NFAM1: variants seen among roughly 807,000 people sequenced by gnomAD.
NFAM1 encodes the protein NFAT activating protein with ITAM motif 1.
A neutral mutation model predicts 29.0 loss-of-function variants in NFAM1; 17 were observed. The observed-to-expected ratio is 0.59, with a 90% CI of 0.40 to 0.88. NFAM1 has a LOEUF of 0.88. Among genes scored for constraint, NFAM1 ranks in the 40% least tolerant of loss-of-function variants. The pLI is 0.00. For synonymous variants in NFAM1, 175 were observed against 147.2 expected, an observed-to-expected ratio of 1.19 and a Z score of -1.36; for missense variants, 324 against 344.6, an observed-to-expected ratio of 0.94 and a Z score of 0.47.
intron 2 of NFAM1, 107 bp downstream of exon 2, chr22:42,411,300 T>G: frequency 3.5e-6 from 3 of 854,148 alleles, no homozygotes; most frequent in South Asian, 1.7e-5. Context: ...CTGGGATGTG[T>G]GAGCCACTGC....
intron 1 of NFAM1, 56 bp from the exon 2 acceptor site, chr22:42,411,792 A>C: frequency 7.9e-7 from 1 of 1,268,868 alleles, no homozygotes; most frequent in African/African-American, 1.5e-5. Flanking sequence ...CCTCAGTCCC[A>C]CCCACTTGCC....
At chr22:42,431,945 G>A (rs1373592699) in intron 1 of NFAM1, among the ~76,000 whole-genome samples, 1 of 151,866 alleles carries the variant, frequency 6.6e-6, no homozygotes, top group Non-Finnish European at 1.5e-5. Flanking sequence ...CAGCCACACA[G>A]CGCCCACCCT....
intron 1 of NFAM1, among the ~76,000 whole-genome samples, chr22:42,420,007 T>G (rs1199480726): frequency 1.2e-4 from 17 of 136,064 alleles, no homozygotes; most frequent in South Asian, 2.5e-4. Flanking sequence ...TTTTTTTTTT[T>G]TTTTTTTTTT....
At chr22:42,385,668 T>C (rs1416502036) in intron 5 of NFAM1, among the ~76,000 whole-genome samples, 2 of 146,312 alleles carry the variant, frequency 1.4e-5, no homozygotes. Context: ...TGTGTGTCCA[T>C]GGGGTCAGCG....
At position 42,397,846 on chromosome 22, in the gene NFAM1, C is replaced by A; in HGVS notation, c.663+12G>T. The A allele has an allele frequency of 6.4e-7, 1 of 1,570,486 alleles. No homozygotes were observed. The highest frequency in any genetic ancestry group is 8.8e-7 in the Non-Finnish European group (1 of 1,140,490). On this transcript the variant is annotated intron_variant, in intron 4 of 5. Coordinates refer to ENST00000329021, the MANE Select transcript of NFAM1 (RefSeq NM_145912.8). ...GAAAGAGGTGGAGGGAGCCGGGGGC[C>A]CCGGGACTCACTGTGTAGACAGATT...
intron 3 of NFAM1, among the ~76,000 whole-genome samples, chr22:42,408,805 C>G (rs968402209): frequency 5.9e-5 from 9 of 152,312 alleles, no homozygotes; most frequent in African/African-American, 2.2e-4. Flanking sequence ...GAGCAGGAGC[C>G]GTCCAGGTGA....
intron 3 of NFAM1, among the ~76,000 whole-genome samples, chr22:42,408,833 C>T (rs1929983616): frequency 6.6e-6 from 1 of 152,332 alleles, no homozygotes; most frequent in South Asian, 2.1e-4. Flanking sequence ...GACCAAGCCA[C>T]CCCATCCTGC....
At chr22:42,416,709 T>A (rs1447764757) in intron 1 of NFAM1, among the ~76,000 whole-genome samples, 1 of 152,198 alleles carries the variant, frequency 6.6e-6, no homozygotes, top group East Asian at 1.9e-4. Flanking sequence ...GGACCCTGGC[T>A]GAACTTGAGC....
intron 3 of NFAM1, among the ~76,000 whole-genome samples, chr22:42,408,326 C>G (rs1929968355): frequency 6.6e-6 from 1 of 152,162 alleles, no homozygotes; most frequent in South Asian, 2.1e-4. Flanking sequence ...GAGCTCTTCT[C>G]TGGGTGTGGG....
Position 42,397,953 on chromosome 22 carries a change from G to T in NFAM1, c.568C>A (p.Arg190=). The change falls in exon 4 of 6, where the codon CGG becomes AGG. Residue 190 remains arginine, a synonymous_variant. Transcript: ENST00000329021. ...GTALLLWNKK[R]MRGPGKDPTR... ...GGGTCCTTCCCTGGACCCCGCATCC[G>T]CTTCTGTAGGGAGAAAGGAGTCAGG... is the stretch of plus-strand genomic sequence containing the variant. The T allele has an allele frequency of 6.3e-7, 1 of 1,579,854 alleles. No individual in the cohort carries two copies.
At chr22:42,405,744 A>G (rs576826241) in intron 3 of NFAM1, among the ~76,000 whole-genome samples, 146 of 152,268 alleles carry the variant, frequency 9.6e-4, no homozygotes, top group African/African-American at 3.3e-3. Context: ...CGGAGCACAG[A>G]GCCCTCCTGG....
intron 3 of NFAM1, among the ~76,000 whole-genome samples, chr22:42,408,544 C>T (rs959667304): frequency 1.3e-5 from 2 of 152,238 alleles, no homozygotes; most frequent in African/African-American, 4.8e-5. Flanking sequence ...GCTTTGCACC[C>T]CTGAGCCTGG....
At chr22:42,433,915 G>A (rs373313854), upstream of NFAM1, among the ~76,000 whole-genome samples, 15 of 152,224 alleles carry the variant, frequency 9.9e-5, no homozygotes, top group South Asian at 1.7e-3. Context: ...CAGGGTACAC[G>A]GGGAGCATTG....
intron 1 of NFAM1, among the ~76,000 whole-genome samples, chr22:42,423,267 G>A (rs1377076925): frequency 1.3e-5 from 2 of 152,144 alleles, no homozygotes; most frequent in Non-Finnish European, 1.5e-5. Context: ...AAAGAGGTGG[G>A]AGAAAGGAAA....
intron 4 of NFAM1, among the ~76,000 whole-genome samples, chr22:42,391,429 C>A (rs1348923475): frequency 6.6e-6 from 1 of 152,116 alleles, no homozygotes; most frequent in Non-Finnish European, 1.5e-5. Context: ...CTGCAGGACT[C>A]CAGGCAAGAA....
chr22:42,412,657 G>A (rs546640782), intron 1 of NFAM1, among the ~76,000 whole-genome samples: 6 of 152,334 alleles, frequency 3.9e-5, no homozygotes, highest in East Asian at 3.9e-4. Context: ...GTTTCCTGGC[G>A]GTAGACAGAG....
chr22:42,434,719 G>T (rs900698607), upstream of NFAM1, among the ~76,000 whole-genome samples: 2 of 152,366 alleles, frequency 1.3e-5, no homozygotes, highest in South Asian at 4.1e-4. Context: ...AAACAGTAAA[G>T]GCCCCAAAGG....
intron 5 of NFAM1, among the ~76,000 whole-genome samples, chr22:42,386,372 TCAAAA>T (rs559956966): frequency 0.01 from 1,506 of 145,854 alleles, 9 homozygotes; most frequent in Non-Finnish European, 0.015. Flanking sequence ...AGACTCTGTC[TCAAAA>T]CAAAAACAAA....
intron 1 of NFAM1, among the ~76,000 whole-genome samples, chr22:42,430,212 G>A (rs745344145): frequency 6.6e-6 from 1 of 151,476 alleles, no homozygotes; most frequent in Non-Finnish European, 1.5e-5. Flanking sequence ...GTAGTGAGCT[G>A]AGATTGCACC....
Sources: allele counts gnomAD v4.1 joint callset (sites outside exome capture counted in the v4.1 genomes callset), GRCh38; gene constraint gnomAD v4.1.1; transcripts MANE v1.5; gene names NCBI Gene and HGNC (gene_info 2026-07-23, HGNC 2026-07-21).